Variants in GPC4 observed in about 807,000 individuals in gnomAD.
GPC4 encodes the protein glypican 4, also known as glypican-4.
GPC4 carries 10 observed loss-of-function variants against 35.0 expected under a neutral mutation model. The ratio of observed to expected loss-of-function variants is 0.29; its 90% CI spans 0.18 to 0.48. GPC4 has a LOEUF of 0.48. Ranked by LOEUF, GPC4 falls within the 20% of genes least tolerant of loss-of-function variation. GPC4 has a pLI of 0.99. For missense variants in GPC4, 322 were observed against 451.3 expected (o/e 0.71, Z 2.60); for synonymous variants, 167 against 170.2 (o/e 0.98, Z 0.15).
At chrX:133,366,203 G>C (rs1031059124) in intron 1 of GPC4, among the ~76,000 whole-genome samples, 7 of 112,165 alleles carry the variant, frequency 6.2e-5, no homozygotes, top group African/African-American at 2.3e-4. Context: ...CAAGTTCCAA[G>C]ACCAAAGCTC....
intron 4 of GPC4, among the ~76,000 whole-genome samples, chrX:133,309,644 T>G (rs2068306019): frequency 8.9e-6 from 1 of 112,448 alleles, no homozygotes; most frequent in African/African-American, 3.2e-5. Context: ...TATGGCAAAT[T>G]CTACTACCTT....
chrX:133,325,252 T>A (rs768038250), intron 2 of GPC4, among the ~76,000 whole-genome samples: 2 of 110,552 alleles, frequency 1.8e-5, no homozygotes, highest in Non-Finnish European at 3.8e-5. Context: ...CTTTTCAATG[T>A]TCCTTCTGAT....
intron 1 of GPC4, among the ~76,000 whole-genome samples, chrX:133,392,590 T>C (rs1045554304): frequency 7.0e-5 from 7 of 100,561 alleles, no homozygotes; most frequent in African/African-American, 2.6e-4. Flanking sequence ...AAGAAAGACA[T>C]AGAAATGGTC....
chrX:133,395,381 G>C (rs950461353), intron 1 of GPC4, among the ~76,000 whole-genome samples: 1 of 111,213 alleles, frequency 9.0e-6, no homozygotes, highest in Admixed American at 9.7e-5. Flanking sequence ...TCAGCATTTT[G>C]GGAGGCCAAG....
intron 2 of GPC4, among the ~76,000 whole-genome samples, chrX:133,326,107 C>T (rs1302440266): frequency 1.9e-5 from 2 of 106,119 alleles, no homozygotes; most frequent in Non-Finnish European, 3.9e-5. Flanking sequence ...ACTGGGCTTT[C>T]TTCAGAGAAA....
At chrX:133,330,921 AAC>A (rs2068417054) in intron 2 of GPC4, among the ~76,000 whole-genome samples, 1 of 110,305 alleles carries the variant, frequency 9.1e-6, no homozygotes, top group Admixed American at 9.6e-5. Context: ...CAGCCTGGGC[AAC>A]AGAGTGAGAC....
chrX:133,308,167 G>T lies in GPC4; in HGVS notation c.878-2013C>A, dbSNP rs192470621. Among the ~76,000 whole-genome samples, 87 of 112,192 alleles carry T rather than the reference G, an allele frequency of 7.8e-4. 1 individual carries two copies. The highest frequency in any genetic ancestry group is 2.7e-3 in the African/African-American group (84 of 30,914). On this transcript the variant is annotated intron_variant, in intron 4 of 8. Transcript: ENST00000370828. ...TAACAGCAGCCAGCCCTGATAAGAA[G>T]CCTCAAGAGAAAGCCAAAGATGATT...
At chrX:133,325,501 T>C (rs961994039) in intron 2 of GPC4, among the ~76,000 whole-genome samples, 2 of 111,772 alleles carry the variant, frequency 1.8e-5, no homozygotes, top group Non-Finnish European at 3.8e-5. Flanking sequence ...TTCTGAAGCT[T>C]TCCTCAGGAA....
intron 1 of GPC4, among the ~76,000 whole-genome samples, chrX:133,378,044 A>T (rs1202730325): frequency 9.2e-6 from 1 of 108,335 alleles, no homozygotes; most frequent in Non-Finnish European, 1.9e-5. Context: ...ACAGGTGTGC[A>T]CCACCACACC....
intron 1 of GPC4, among the ~76,000 whole-genome samples, chrX:133,357,561 G>A (rs765391836): frequency 4.4e-4 from 48 of 108,419 alleles, no homozygotes; most frequent in South Asian, 4.2e-4. Flanking sequence ...TATTTTTTTC[G>A]TTTTTTAAGA....
At chrX:133,400,538 T>C (rs182527310) in intron 1 of GPC4, among the ~76,000 whole-genome samples, 3 of 112,358 alleles carry the variant, frequency 2.7e-5, no homozygotes, top group Non-Finnish European at 5.6e-5. Flanking sequence ...TCCTTTTTAT[T>C]CACTGTTCTA....
Position 133,312,941 on chromosome X carries a change from G to A in GPC4, c.712-1518C>T, listed in dbSNP as rs762099508. 3.6e-5 allele frequency among the ~76,000 whole-genome samples: 4 copies of A among 111,442 alleles called. No individual in the cohort carries two copies. In the East Asian group the frequency reaches 1.1e-3, roughly 32 times the overall value. On this transcript the variant is annotated intron_variant, in intron 3 of 8. Transcript: ENST00000370828. Reference sequence around the variant, plus strand: ...TTCCTCAATGCTTAGAAAGGATTGGGGCTAGGTATAGCATTCTAGCAGCTA... The same window carrying A: ...TTCCTCAATGCTTAGAAAGGATTGGAGCTAGGTATAGCATTCTAGCAGCTA...
At chrX:133,312,989 T>G (rs750896952) in intron 3 of GPC4, among the ~76,000 whole-genome samples, 1 of 111,973 alleles carries the variant, frequency 8.9e-6, no homozygotes, top group South Asian at 3.8e-4. Flanking sequence ...TGTCTCCTCT[T>G]TCTCTCTGCC....
chrX:133,337,947 T>C (rs978178441), intron 2 of GPC4, among the ~76,000 whole-genome samples: 10 of 110,127 alleles, frequency 9.1e-5, no homozygotes, highest in Non-Finnish European at 1.7e-4. Context: ...GTGATAGAAC[T>C]AAGACATAAT....
intron 1 of GPC4, among the ~76,000 whole-genome samples, chrX:133,391,546 T>A (rs2068719666): frequency 1.8e-5 from 2 of 112,363 alleles, no homozygotes; most frequent in South Asian, 7.5e-4. Context: ...CCTTACATAT[T>A]GTTCTTAATT....
chrX:133,398,043 G>A (rs2068752284), intron 1 of GPC4, among the ~76,000 whole-genome samples: 1 of 112,219 alleles, frequency 8.9e-6, no homozygotes, highest in South Asian at 3.7e-4. Flanking sequence ...CAGCCTGGGT[G>A]ACAGAGAGAG....
chrX:133,325,205 G>A (rs918025003), intron 2 of GPC4, among the ~76,000 whole-genome samples: 1 of 109,810 alleles, frequency 9.1e-6, no homozygotes, highest in Admixed American at 9.8e-5. Flanking sequence ...CTTGATCCTG[G>A]GTTTCTAAAG....
chrX:133,361,952 C>A (rs1438870683), intron 1 of GPC4, among the ~76,000 whole-genome samples: 1 of 110,914 alleles, frequency 9.0e-6, no homozygotes, highest in African/African-American at 3.3e-5. Context: ...ATGGCTCATA[C>A]CTGTAATCCC....
chrX:133,351,315 T>C (rs912836101), intron 1 of GPC4, among the ~76,000 whole-genome samples: 3 of 110,900 alleles, frequency 2.7e-5, no homozygotes, highest in Non-Finnish European at 5.7e-5. Flanking sequence ...CACAATTCCA[T>C]GGTGTGCCAG....
Sources: allele counts gnomAD v4.1 joint callset (sites outside exome capture counted in the v4.1 genomes callset), GRCh38; gene constraint gnomAD v4.1.1; transcripts MANE v1.5; gene names NCBI Gene and HGNC (gene_info 2026-07-23, HGNC 2026-07-21).